Variants in RETREG1 observed in about 807,000 individuals in gnomAD.
RETREG1 encodes the protein family with sequence similarity 134 member B.
In RETREG1, 44 loss-of-function variants were observed where a neutral mutation model predicts 54.8. That is an observed-to-expected ratio of 0.80 (90% CI 0.63 to 1.03). The LOEUF (loss-of-function observed/expected upper bound fraction) is 1.03, where lower values mean the gene tolerates loss of function less well. Ranked by LOEUF, RETREG1 falls within the 50% of genes least tolerant of loss-of-function variation. The pLI is 0.00. For synonymous variants in RETREG1, 217 were observed against 238.5 expected, an observed-to-expected ratio of 0.91 and a Z score of 0.83; for missense variants, 554 against 605.1, an observed-to-expected ratio of 0.92 and a Z score of 0.89.
At chr5:16,569,855 A>G (rs1016376647) in intron 2 of RETREG1, among the ~76,000 whole-genome samples, 1 of 152,232 alleles carries the variant, frequency 6.6e-6, no homozygotes, top group African/African-American at 2.4e-5. Context: ...AGGAAGATGG[A>G]GAAGTTTGAC....
intron 3 of RETREG1, among the ~76,000 whole-genome samples, chr5:16,533,771 C>T (rs1740980043): frequency 1.3e-5 from 2 of 152,210 alleles, no homozygotes; most frequent in African/African-American, 4.8e-5. Flanking sequence ...CCAAATCACA[C>T]CACAGAACTT....
intron 1 of RETREG1, among the ~76,000 whole-genome samples, chr5:16,613,438 A>G (rs1251922413): frequency 6.6e-6 from 1 of 152,232 alleles, no homozygotes; most frequent in Non-Finnish European, 1.5e-5. Flanking sequence ...CCCCAAAACC[A>G]TATCAAAATG....
chr5:16,558,435 C>T (rs1421707589), intron 3 of RETREG1, among the ~76,000 whole-genome samples: 1 of 152,140 alleles, frequency 6.6e-6, no homozygotes, highest in Non-Finnish European at 1.5e-5. Context: ...AATTTCTTTC[C>T]TTTATATATT....
At chr5:16,542,634 A>G (rs1414648956) in intron 3 of RETREG1, among the ~76,000 whole-genome samples, 1 of 152,186 alleles carries the variant, frequency 6.6e-6, no homozygotes, top group Non-Finnish European at 1.5e-5. Flanking sequence ...GGCATCTTCA[A>G]AGAAAAATTA....
intron 1 of RETREG1, among the ~76,000 whole-genome samples, chr5:16,580,957 A>G (rs1267897092): frequency 2.0e-5 from 3 of 152,200 alleles, no homozygotes; most frequent in Admixed American, 6.5e-5. Flanking sequence ...GCCCGTGCCT[A>G]GTCACCCGCT....
intron 4 of RETREG1, among the ~76,000 whole-genome samples, chr5:16,482,275 T>A (rs1738806198): frequency 6.6e-6 from 1 of 152,040 alleles, no homozygotes; most frequent in African/African-American, 2.4e-5. Context: ...TACAAAGGGA[T>A]TTCATAATAT....
chr5:16,491,982 AC>A (rs1286304138), intron 3 of RETREG1, among the ~76,000 whole-genome samples: 2 of 152,174 alleles, frequency 1.3e-5, no homozygotes, highest in Non-Finnish European at 2.9e-5. Context: ...TTAATGTGTG[AC>A]TTGGGGATCC....
chr5:16,547,011 C>A (rs780029075), intron 3 of RETREG1, among the ~76,000 whole-genome samples: 5 of 152,228 alleles, frequency 3.3e-5, no homozygotes, highest in Admixed American at 6.5e-5. Context: ...ATATCAGAGA[C>A]CTTTTCCCCA....
At chr5:16,591,921 T>A (rs1742785744) in intron 1 of RETREG1, among the ~76,000 whole-genome samples, 1 of 152,224 alleles carries the variant, frequency 6.6e-6, no homozygotes, top group Admixed American at 6.5e-5. Flanking sequence ...ACAGCGTCTG[T>A]GTTTGTAACA....
chr5:16,591,745 G>A (rs1272387984), intron 1 of RETREG1, among the ~76,000 whole-genome samples: 1 of 152,162 alleles, frequency 6.6e-6, no homozygotes, highest in Non-Finnish European at 1.5e-5. Flanking sequence ...AAGTCCAACG[G>A]AAAACATCTG....
At chr5:16,486,666 G>T (rs572281729) in intron 3 of RETREG1, among the ~76,000 whole-genome samples, 1 of 152,162 alleles carries the variant, frequency 6.6e-6, no homozygotes, top group African/African-American at 2.4e-5. Flanking sequence ...TTCAAAGGGT[G>T]AATACATTCA....
intron 3 of RETREG1, among the ~76,000 whole-genome samples, chr5:16,502,297 T>C (rs1739751149): frequency 6.6e-6 from 1 of 152,130 alleles, no homozygotes; most frequent in African/African-American, 2.4e-5. Flanking sequence ...AGTTGTAAAT[T>C]AAAGCCCAAT....
At chr5:16,565,908 C>T in intron 2 of RETREG1, 115 bp from the exon 3 acceptor site, 1 of 1,091,068 alleles carries the variant, frequency 9.2e-7, no homozygotes, top group South Asian at 1.3e-5. Context: ...ATCTCTAACA[C>T]TCAGGACACC....
chr5:16,599,763 C>A, intron 1 of RETREG1, among the ~76,000 whole-genome samples: 1 of 151,984 alleles, frequency 6.6e-6, no homozygotes, highest in Non-Finnish European at 1.5e-5. Context: ...CCAAACCACG[C>A]CAGAATCAAA....
At chr5:16,545,376 G>C (rs530512907) in intron 3 of RETREG1, among the ~76,000 whole-genome samples, 24 of 152,300 alleles carry the variant, frequency 1.6e-4, no homozygotes, top group African/African-American at 5.1e-4. Flanking sequence ...TGGTGTTAGA[G>C]GGGGAGAGAG....
chr5:16,503,482 G>A (rs907152087), intron 3 of RETREG1, among the ~76,000 whole-genome samples: 6 of 151,798 alleles, frequency 4.0e-5, no homozygotes, highest in Admixed American at 2.0e-4. Flanking sequence ...GCCTGACCAA[G>A]ATGGTGAAAC....
intron 5 of RETREG1, among the ~76,000 whole-genome samples, chr5:16,479,712 C>A (rs1346279370): frequency 3.9e-5 from 6 of 152,056 alleles, no homozygotes; most frequent in Non-Finnish European, 7.4e-5. Flanking sequence ...GATTGCCACA[C>A]TCTAAGTATT....
chr5:16,530,407 A>C lies in RETREG1; in HGVS notation c.458+35356T>G, dbSNP rs552128404. Among the ~76,000 whole-genome samples, 42 of 152,326 alleles carry C rather than the reference A, an allele frequency of 2.8e-4. 1 individual carries two copies. The South Asian group carries it at 8.7e-3, about 32-fold the overall frequency. On this transcript the variant is annotated intron_variant, in intron 3 of 8. Transcript: ENST00000306320. ...ACCTCTCTGTGCTTGTTTCCTGATC[A>C]GTAAAAGTGAGATAATAATTATATA...
intron 3 of RETREG1, among the ~76,000 whole-genome samples, chr5:16,512,394 A>T (rs1266236215): frequency 3.9e-5 from 6 of 152,138 alleles, no homozygotes; most frequent in African/African-American, 1.4e-4. Flanking sequence ...CCACATTTTA[A>T]ATTTTCCTGT....
Sources: gnomAD v4.1 joint callset for allele counts (sites outside exome capture counted in the v4.1 genomes callset) on GRCh38, gnomAD v4.1.1 for gene constraint, MANE v1.5 for transcripts, NCBI Gene and HGNC (gene_info 2026-07-23, HGNC 2026-07-21) for gene names.